Variants in WDR35 observed in about 807,000 individuals in gnomAD.
WDR35 encodes the protein WD repeat domain 35.
WDR35 carries 118 observed loss-of-function variants against 158.3 expected under a neutral mutation model. The ratio of observed to expected loss-of-function variants is 0.75; its 90% confidence interval spans 0.64 to 0.87. The LOEUF (loss-of-function observed/expected upper bound fraction) is 0.87, where lower values mean the gene tolerates loss of function less well. Ranked by LOEUF, WDR35 falls within the 40% of genes least tolerant of loss-of-function variation. WDR35 has a pLI of 0.00. For missense variants in WDR35, 1,263 were observed against 1,405.8 expected (o/e 0.90, Z 1.62); for synonymous variants, 448 against 476.1 (o/e 0.94, Z 0.77).
intron 8 of WDR35, among the ~76,000 whole-genome samples, chr2:19,970,182 G>C (rs539190542): frequency 6.6e-6 from 1 of 151,986 alleles, no homozygotes; most frequent in South Asian, 2.1e-4. Flanking sequence ...TACAACTAAG[G>C]AAAGGAAAAA....
intron 25 of WDR35, among the ~76,000 whole-genome samples, chr2:19,929,162 A>G (rs1265470367): frequency 6.6e-6 from 1 of 152,226 alleles, no homozygotes; most frequent in Non-Finnish European, 1.5e-5. Flanking sequence ...CTTAGAAAGG[A>G]TCAAGTAACT....
At chr2:19,964,933 T>A (rs1671800587) in intron 10 of WDR35, among the ~76,000 whole-genome samples, 1 of 146,262 alleles carries the variant, frequency 6.8e-6, no homozygotes, top group African/African-American at 2.7e-5. Flanking sequence ...TCAAAATAAT[T>A]TTTTTTTTTT....
At position 19,917,221 on chromosome 2, in the gene WDR35, A is replaced by T. The variant is rs2103381918; in HGVS notation, c.3122-2944T>A. Reference sequence around the variant, plus strand: ...ACACCAACAAAAAGGATGTCCACTCAGAGACCCCATCCGAAGGTCACCGAC... The same window carrying T: ...ACACCAACAAAAAGGATGTCCACTCTGAGACCCCATCCGAAGGTCACCGAC... On this transcript the variant is annotated intron_variant, in intron 25 of 26. Transcript: ENST00000281405. 2.6e-5 allele frequency among the ~76,000 whole-genome samples: 4 copies of T among 152,332 alleles called. 1 individual carries two copies. The South Asian group carries it at 8.3e-4, about 32-fold the overall frequency.
At chr2:19,946,440 G>A in intron 15 of WDR35, 21 bp downstream of exon 15, 4 of 1,581,730 alleles carry the variant, frequency 2.5e-6, no homozygotes, top group Non-Finnish European at 3.5e-6. Context: ...ACATCTACAT[G>A]AGCAGAGTTT....
intron 25 of WDR35, among the ~76,000 whole-genome samples, chr2:19,929,268 A>C (rs924622705): frequency 2.0e-5 from 3 of 152,228 alleles, no homozygotes; most frequent in African/African-American, 7.2e-5. Flanking sequence ...AAAAATAAAA[A>C]TCATCACTAT....
At position 19,957,024 on chromosome 2, in the gene WDR35, G is replaced by A. The variant is rs143453146; in HGVS notation, c.1256-3046C>T. 2.2e-3 allele frequency among the ~76,000 whole-genome samples: 337 copies of A among 152,260 alleles called. 2 individuals carry two copies. The highest frequency in any genetic ancestry group is 7.5e-3 in the African/African-American group (312 of 41,550). On this transcript the variant is annotated intron_variant, in intron 11 of 26. Coordinates refer to ENST00000281405, the MANE Select transcript of WDR35 (RefSeq NM_020779.4). Reference sequence around the variant, plus strand: ...CTCACAACTTCCCTATAAGGTAGGCGTTATTGTCCTCATTTAGCAGATAAA... The same window carrying A: ...CTCACAACTTCCCTATAAGGTAGGCATTATTGTCCTCATTTAGCAGATAAA...
chr2:19,963,155 C>T (rs1388337099), intron 10 of WDR35, among the ~76,000 whole-genome samples: 26 of 152,146 alleles, frequency 1.7e-4, no homozygotes. Context: ...CACAGGGGCA[C>T]CTTTCCATCC....
intron 1 of WDR35, among the ~76,000 whole-genome samples, chr2:19,989,557 C>A (rs1672683354): frequency 1.3e-5 from 2 of 152,124 alleles, no homozygotes; most frequent in South Asian, 2.1e-4. Context: ...AAAGGGAGGA[C>A]GGGGAGAGGG....
At chr2:19,947,660 A>C (rs1671101564) in intron 14 of WDR35, among the ~76,000 whole-genome samples, 1 of 152,178 alleles carries the variant, frequency 6.6e-6, no homozygotes, top group South Asian at 2.1e-4. Context: ...TGGCTGAGCC[A>C]AAGCACTTTC....
chr2:19,989,489 GAGA>G (rs1277189102), intron 1 of WDR35, among the ~76,000 whole-genome samples: 4 of 152,194 alleles, frequency 2.6e-5, no homozygotes, highest in Non-Finnish European at 5.9e-5. Flanking sequence ...GTGCACAAAA[GAGA>G]AGGATAGTGA....
rs1672182699 is a variant in WDR35 at position 19,975,623 on chromosome 2, T to C, written c.477A>G (p.Leu159=). The C allele has an allele frequency of 3.7e-6, 6 of 1,614,126 alleles. No homozygotes were observed. The highest frequency in any genetic ancestry group is 5.1e-6 in the Non-Finnish European group (6 of 1,179,988). The part of the protein sequence containing the change: ...IWGKDLKGIQ[L]SHVTWSADSK... The stretch of plus-strand genomic sequence containing the variant: ...TGTCCGCAGACCATGTTACATGGGA[T>C]AGCTGTATACCCTTCAGGTCTTTTC... Residue 159 remains leucine, a synonymous_variant, in exon 6 of 27, where the codon CTA becomes CTG. Transcript: ENST00000281405.
At chr2:19,981,650 G>GA (rs1672385584) in intron 3 of WDR35, among the ~76,000 whole-genome samples, 1 of 151,982 alleles carries the variant, frequency 6.6e-6, no homozygotes. Flanking sequence ...CCTGAGTACT[G>GA]GGGACTACGG....
intron 11 of WDR35, among the ~76,000 whole-genome samples, chr2:19,955,155 G>A (rs2103428260): frequency 6.6e-6 from 1 of 152,240 alleles, no homozygotes; most frequent in East Asian, 1.9e-4. Flanking sequence ...GTTTCACCAT[G>A]TTGGCCAGAT....
intron 10 of WDR35, among the ~76,000 whole-genome samples, chr2:19,964,922 T>C (rs10175095): frequency 0.1 from 15,956 of 152,048 alleles, 921 homozygotes; most frequent in South Asian, 0.2. Context: ...TAATGGTTCT[T>C]TCAAAATAAT....
chr2:19,938,457 T>C, intron 17 of WDR35, 56 bp from the exon 18 acceptor site: 2 of 1,583,696 alleles, frequency 1.3e-6, no homozygotes, highest in Non-Finnish European at 1.7e-6. Flanking sequence ...GAGTATGTGT[T>C]TCTTTTTTAT....
chr2:19,961,198 C>A (rs1048684982), intron 10 of WDR35, among the ~76,000 whole-genome samples: 1 of 151,998 alleles, frequency 6.6e-6, no homozygotes, highest in Non-Finnish European at 1.5e-5. Flanking sequence ...GGGGACAATG[C>A]CCTAAAGAAA....
chr2:19,931,579 A>T (rs879937056), intron 23 of WDR35, among the ~76,000 whole-genome samples, 170 bp from the exon 24 acceptor site: 20 of 152,176 alleles, frequency 1.3e-4, no homozygotes, highest in Non-Finnish European at 2.5e-4. Flanking sequence ...TCTTCTTTTC[A>T]TTAGTACCTA....
Position 19,936,354 on chromosome 2 carries a change from A to G in WDR35, c.2279T>C (p.Ile760Thr). 3.1e-6 allele frequency: 5 copies of G among 1,613,970 alleles called. No individual in the cohort carries two copies. Among genetic ancestry groups the G allele is most frequent in the Non-Finnish European group, 4.2e-6 (5 of 1,179,892 alleles). ...ATCCCCCAATTTCAGCCGGAGGCCA[A>G]TAGCAAGATCCCTACAAACAAAGGC... ...YLEMDRRDLA[I>T]GLRLKLGDWF... Residue 760 changes from isoleucine (I) to threonine (T), a missense_variant, in exon 20 of 27, where the codon ATT (isoleucine) becomes ACT (threonine). By Grantham distance (89) the Ile-to-Thr change is moderately conservative. Transcript: ENST00000281405.
chr2:19,989,999 C>T lies in WDR35; in HGVS notation c.17G>A (p.Ser6Asn), dbSNP rs748141967. 1.2e-6 allele frequency: 2 copies of T among 1,614,028 alleles called. No homozygotes were observed. Among genetic ancestry groups the T allele is most frequent in the East Asian group, 4.5e-5 (2 of 44,880 alleles). MFFYL[S>N]KKISIPNNVK... The stretch of plus-strand genomic sequence containing the variant: ...GCCCCCCAGGAAACTCACTTTCTTG[C>T]TCAGGTAGAAGAACATCGTGGGATC... The change falls in exon 1 of 27, where the codon AGC becomes AAC. Residue 6 changes from serine to asparagine, a missense_variant. By Grantham distance (46) the Ser-to-Asn change is conservative (BLOSUM62 1). Transcript: ENST00000281405.
Sources: gnomAD v4.1 joint callset for allele counts (sites outside exome capture counted in the v4.1 genomes callset) on GRCh38, gnomAD v4.1.1 for gene constraint, MANE v1.5 for transcripts, NCBI Gene and HGNC (gene_info 2026-07-23, HGNC 2026-07-21) for gene names.